The following TMA16 variants were observed in gnomAD, a reference collection of about 807,000 sequenced individuals.
The protein encoded by TMA16 is translation machinery associated 16 homolog, also known as translation machinery-associated protein 16.
Under a neutral mutation model 27.1 loss-of-function variants are expected in TMA16, and 26 were observed. That is an observed-to-expected ratio of 0.96 (90% confidence interval 0.70 to 1.33). The LOEUF (loss-of-function observed/expected upper bound fraction) is 1.33, where lower values mean the gene tolerates loss of function less well. TMA16 is among the 40% of genes most tolerant of loss of function. TMA16 has a pLI of 0.00. For missense variants in TMA16, 233 were observed against 241.4 expected (o/e 0.97, Z 0.23); for synonymous variants, 71 against 81.9 (o/e 0.87, Z 0.72).
intron 2 of TMA16, among the ~76,000 whole-genome samples, chr4:163,510,701 C>T (rs571045217): frequency 3.9e-5 from 6 of 152,248 alleles, no homozygotes; most frequent in Middle Eastern, 3.4e-3. Context: ...TATCAGAGGT[C>T]GGCAAGCTAA....
In TMA16 at chr4:163,517,176, A is replaced by G. The variant is rs1737893188; in HGVS notation, c.389-258A>G. On this transcript the variant is annotated intron_variant, in intron 5 of 6. Transcript: ENST00000358572. ...CTCAGCCTTCCAAAGTGCTGGGATT[A>G]CAGGCATGAGCCACCGCGCCTGGCC... is the stretch of plus-strand genomic sequence containing the variant. 4 of 399,994 alleles carry G rather than the reference A, an allele frequency of 1.0e-5. 1 individual carries two copies. Among genetic ancestry groups the G allele is most frequent in the South Asian group, 9.6e-5 (4 of 41,456 alleles). 24.8% of individuals were successfully genotyped at this position (399,994 alleles called of 1,614,324 possible).
chr4:163,500,070 TGACTATTTTCTA>T (rs1560911783), intron 1 of TMA16, among the ~76,000 whole-genome samples: 1 of 152,210 alleles, frequency 6.6e-6, no homozygotes, highest in African/African-American at 2.4e-5. Context: ...TGCTAAGTAG[TGACTATTTTCTA>T]AATCACTGCT....
chr4:163,515,348 T>C lies in TMA16; in HGVS notation c.275T>C (p.Ile92Thr). ...LNRFSSELEQIELHNSIRDRQ... is the reference protein window; with the variant it reads ...LNRFSSELEQTELHNSIRDRQ... Reference sequence around the variant, plus strand: ...CGATTCAGCAGTGAGCTGGAGCAGATTGAGTTACATAACAGTATCAGGGAC... The same window carrying C: ...CGATTCAGCAGTGAGCTGGAGCAGACTGAGTTACATAACAGTATCAGGGAC... Residue 92 changes from isoleucine (I) to threonine (T), a missense_variant, in exon 5 of 7, where the codon ATT (isoleucine) becomes ACT (threonine). Physicochemically the swap from Ile to Thr is moderately conservative, Grantham distance 89. Coordinates refer to ENST00000358572, the MANE Select transcript of TMA16 (RefSeq NM_018352.3). The C allele has an allele frequency of 6.2e-7, 1 of 1,612,880 alleles. No homozygotes were observed. Among genetic ancestry groups the C allele is most frequent in the Middle Eastern group, 1.7e-4 (1 of 6,046 alleles).
chr4:163,507,608 G>A (rs916073872), intron 2 of TMA16, among the ~76,000 whole-genome samples: 3 of 152,024 alleles, frequency 2.0e-5, no homozygotes, highest in Non-Finnish European at 4.4e-5. Context: ...ATTTGGGAGC[G>A]ATCAGCATCC....
At chr4:163,510,669 T>A (rs7699055) in intron 2 of TMA16, among the ~76,000 whole-genome samples, 62,507 of 152,078 alleles carry the variant, frequency 0.41, 13,971 homozygotes, top group Admixed American at 0.55. Context: ...GTTCGTTTGG[T>A]TATATTTTCA....
chr4:163,497,302 A>G (rs1468030216), intron 1 of TMA16, among the ~76,000 whole-genome samples: 1 of 152,244 alleles, frequency 6.6e-6, no homozygotes, highest in Non-Finnish European at 1.5e-5. Flanking sequence ...ATTAATGGAA[A>G]TCTACCTAGT....
chr4:163,517,571 G>T, intron 6 of TMA16, 95 bp downstream of exon 6: 1 of 1,183,154 alleles, frequency 8.5e-7, no homozygotes, highest in Non-Finnish European at 1.2e-6. Flanking sequence ...AGAACTAAAA[G>T]AAAATCGGGT....
At chr4:163,499,251 G>A (rs1737610421) in intron 1 of TMA16, among the ~76,000 whole-genome samples, 1 of 151,892 alleles carries the variant, frequency 6.6e-6, no homozygotes, top group South Asian at 2.1e-4. Flanking sequence ...TTTTGTTTGT[G>A]TTGCAAGTTT....
chr4:163,510,730 T>C lies in TMA16; in HGVS notation c.117-2092T>C, dbSNP rs190417709. Among the ~76,000 whole-genome samples the C allele has an allele frequency of 5.9e-5, 9 of 152,346 alleles. No individual in the cohort carries two copies. In the East Asian group the frequency reaches 1.7e-3, roughly 29 times the overall value. ...AAGCTAAGGCATTAGCCACCTGTTA[T>C]TACGAAAAGTTTTGTTGGAAAACAT... On this transcript the variant is annotated intron_variant, in intron 2 of 6. Coordinates refer to ENST00000358572, the MANE Select transcript of TMA16 (RefSeq NM_018352.3).
intron 2 of TMA16, among the ~76,000 whole-genome samples, chr4:163,510,835 G>A (rs773776085): frequency 6.6e-6 from 1 of 152,152 alleles, no homozygotes; most frequent in Non-Finnish European, 1.5e-5. Context: ...CAGGTACACA[G>A]CCCCCAAAGC....
At chr4:163,510,318 C>T (rs1039863997) in intron 2 of TMA16, among the ~76,000 whole-genome samples, 5 of 152,204 alleles carry the variant, frequency 3.3e-5, no homozygotes, top group African/African-American at 1.2e-4. Flanking sequence ...TGTAGCCACC[C>T]TGATCAGTAT....
intron 1 of TMA16, among the ~76,000 whole-genome samples, chr4:163,497,782 T>C (rs574350087): frequency 7.2e-5 from 11 of 152,334 alleles, no homozygotes; most frequent in African/African-American, 2.4e-4. Flanking sequence ...TATATGGTAA[T>C]ATATTCCCAG....
Position 163,517,477 on chromosome 4 carries a change from G to C in TMA16, c.431+1G>C. On this transcript the variant is annotated splice_donor_variant, in intron 6 of 6. Transcript: ENST00000358572. LOFTEE classifies it high-confidence loss of function. The stretch of plus-strand genomic sequence containing the variant: ...ATGCAAGTAATCTGAAAACATTTAG[G>C]TGAGTCTGTCTTGTATTGTTCCCCT... 6.2e-7 allele frequency: 1 copy of C among 1,613,320 alleles called. No individual in the cohort carries two copies. Among genetic ancestry groups the C allele is most frequent in the Non-Finnish European group, 8.5e-7 (1 of 1,179,624 alleles).
chr4:163,512,762 C>G, intron 2 of TMA16, 60 bp from the exon 3 acceptor site: 1 of 1,316,340 alleles, frequency 7.6e-7, no homozygotes, highest in Non-Finnish European at 1.1e-6. Flanking sequence ...TTGTTATTGT[C>G]AGAGTTTTAA....
chr4:163,514,034 G>T, intron 3 of TMA16, 40 bp from the exon 4 acceptor site: 2 of 1,444,396 alleles, frequency 1.4e-6, no homozygotes, highest in South Asian at 2.6e-5. Context: ...CTTAAATGAT[G>T]ACTTGTGGGG....
At chr4:163,517,653 T>G in intron 6 of TMA16, 177 bp downstream of exon 6, 1 of 547,060 alleles carries the variant, frequency 1.8e-6, no homozygotes, top group East Asian at 3.1e-5. Flanking sequence ...ACAGTTGATC[T>G]GCACCAACAG....
At chr4:163,502,683 T>G (rs1334341013) in intron 1 of TMA16, among the ~76,000 whole-genome samples, 1 of 152,160 alleles carries the variant, frequency 6.6e-6, no homozygotes, top group Non-Finnish European at 1.5e-5. Flanking sequence ...ATTAAAGTCT[T>G]CTTGGAAGCG....
chr4:163,516,486 A>G (rs1432892216), intron 5 of TMA16, among the ~76,000 whole-genome samples: 1 of 152,272 alleles, frequency 6.6e-6, no homozygotes, highest in African/African-American at 2.4e-5. Flanking sequence ...TGAAAAAGTC[A>G]ATAGACAGTT....
At chr4:163,510,389 C>T (rs763716243) in intron 2 of TMA16, among the ~76,000 whole-genome samples, 2 of 152,206 alleles carry the variant, frequency 1.3e-5, no homozygotes, top group Non-Finnish European at 2.9e-5. Flanking sequence ...TCAGTCCTCA[C>T]CCTCTACCCC....
Sources: gnomAD v4.1 joint callset for allele counts (sites outside exome capture counted in the v4.1 genomes callset) on GRCh38, gnomAD v4.1.1 for gene constraint, MANE v1.5 for transcripts, NCBI Gene and HGNC (gene_info 2026-07-23, HGNC 2026-07-21) for gene names.